Variants in CLDN14 observed in about 807,000 individuals in gnomAD.
CLDN14 encodes the protein claudin 14.
Under a neutral mutation model 2.1 loss-of-function variants are expected in CLDN14, and 2 were observed. That is an observed-to-expected ratio of 0.96 (90% CI 0.39 to 3.01). CLDN14 has a LOEUF of 3.01. Ranked by LOEUF, CLDN14 falls within the 30% of genes most tolerant of loss-of-function variation. The pLI is 0.09. For synonymous variants in CLDN14, 136 were observed against 154.4 expected, an observed-to-expected ratio of 0.88 and a Z score of 0.88; for missense variants, 298 against 328.0, an observed-to-expected ratio of 0.91 and a Z score of 0.71.
chr21:36,489,131 A>AAAAATATATATATATATAT, intron 2 of CLDN14, among the ~76,000 whole-genome samples: 1 of 62,744 alleles, frequency 1.6e-5, no homozygotes, highest in African/African-American at 5.9e-5. Context: ...AAAAAAAAAA[A>AAAAATATATATATATATAT]ATATATATAT....
At chr21:36,533,821 C>CA (rs1003038707) in intron 1 of CLDN14, among the ~76,000 whole-genome samples, 5 of 152,092 alleles carry the variant, frequency 3.3e-5, no homozygotes, top group Non-Finnish European at 7.3e-5. Context: ...AGGGGAACCA[C>CA]ACACACTGGG....
At chr21:36,473,684 A>G (rs1334656351) in intron 1 of CLDN14, among the ~76,000 whole-genome samples, 3 of 152,178 alleles carry the variant, frequency 2.0e-5, no homozygotes, top group Non-Finnish European at 4.4e-5. Context: ...GATGGGATTA[A>G]AATATGGGAT....
intron 2 of CLDN14, among the ~76,000 whole-genome samples, chr21:36,507,662 G>C (rs1374335810): frequency 6.6e-6 from 1 of 152,146 alleles, no homozygotes; most frequent in African/African-American, 2.4e-5. Context: ...TACTTGGCAG[G>C]CTGAGGCGGG....
intron 2 of CLDN14, among the ~76,000 whole-genome samples, chr21:36,509,377 G>A (rs936100719): frequency 8.5e-5 from 13 of 152,214 alleles, no homozygotes; most frequent in Admixed American, 8.5e-4. Flanking sequence ...TGGAGGTGGT[G>A]TTGGCTGCAG....
At chr21:36,486,778 G>C in intron 2 of CLDN14, 1 of 802,280 alleles carries the variant, frequency 1.2e-6, no homozygotes, top group Non-Finnish European at 2.2e-6. Context: ...AATGATATGC[G>C]TCTTGTGATT....
intron 1 of CLDN14, among the ~76,000 whole-genome samples, chr21:36,475,736 A>C (rs556354345): frequency 7.2e-4 from 109 of 151,732 alleles, no homozygotes; most frequent in Non-Finnish European, 1.4e-3. Context: ...CATTGATTTA[A>C]CTTTTTTTAT....
intron 2 of CLDN14, chr21:36,486,593 A>G: frequency 6.4e-7 from 1 of 1,551,068 alleles, no homozygotes; most frequent in East Asian, 2.2e-5. Context: ...CACTGCCACC[A>G]GATGAGAACC....
At chr21:36,543,865 C>T (rs2087509555) in intron 1 of CLDN14, among the ~76,000 whole-genome samples, 1 of 152,198 alleles carries the variant, frequency 6.6e-6, no homozygotes, top group Admixed American at 6.5e-5. Context: ...AACAGCCACC[C>T]CCATACTGTG....
At chr21:36,490,031 G>A (rs538096806) in intron 2 of CLDN14, among the ~76,000 whole-genome samples, 17 of 152,170 alleles carry the variant, frequency 1.1e-4, no homozygotes, top group Non-Finnish European at 2.4e-4. Context: ...TATCTCTTAC[G>A]GCTGAGGGAT....
intron 1 of CLDN14, among the ~76,000 whole-genome samples, chr21:36,538,167 C>T (rs1459429251): frequency 3.3e-5 from 5 of 152,106 alleles, no homozygotes; most frequent in African/African-American, 1.2e-4. Flanking sequence ...TATGAAAGTC[C>T]AACACTTATA....
At chr21:36,480,494 G>A (rs1376560282), upstream of CLDN14, 4 of 152,166 alleles carry the variant, frequency 2.6e-5, no homozygotes, top group Non-Finnish European at 5.9e-5. Context: ...GTCAGGGCTG[G>A]GAACGCCTCC....
At chr21:36,496,692 T>A (rs201237895) in intron 2 of CLDN14, among the ~76,000 whole-genome samples, 12 of 55,150 alleles carry the variant, frequency 2.2e-4, no homozygotes, top group South Asian at 6.2e-4. Flanking sequence ...GAAAGAAGGG[T>A]GGAAGGAAGG....
intron 2 of CLDN14, among the ~76,000 whole-genome samples, chr21:36,503,637 G>A (rs545907167): frequency 4.6e-5 from 7 of 152,180 alleles, no homozygotes; most frequent in African/African-American, 1.7e-4. Flanking sequence ...TCTTTCCTTT[G>A]TAAATTGCCC....
At chr21:36,482,451 T>G (rs1012649557), upstream of CLDN14, among the ~76,000 whole-genome samples, 2 of 150,448 alleles carry the variant, frequency 1.3e-5, no homozygotes, top group African/African-American at 5.0e-5. Context: ...GATGGATGGA[T>G]AGATGGATGG....
At chr21:36,488,040 G>A (rs2086915338) in intron 2 of CLDN14, among the ~76,000 whole-genome samples, 3 of 152,210 alleles carry the variant, frequency 2.0e-5, no homozygotes, top group Admixed American at 6.5e-5. Context: ...ATAGTCAAAA[G>A]GTGGCAGCAG....
At chr21:36,483,168 G>C (rs2086864458), upstream of CLDN14, among the ~76,000 whole-genome samples, 1 of 152,180 alleles carries the variant, frequency 6.6e-6, no homozygotes, top group South Asian at 2.1e-4. Flanking sequence ...GAATGAGTTG[G>C]CAGCTGCAAG....
At chr21:36,524,599 G>A (rs2087308917) in intron 1 of CLDN14, among the ~76,000 whole-genome samples, 1 of 152,220 alleles carries the variant, frequency 6.6e-6, no homozygotes, top group Non-Finnish European at 1.5e-5. Context: ...AAATGAGGGG[G>A]ATGGGGAGTG....
intron 1 of CLDN14, among the ~76,000 whole-genome samples, chr21:36,563,561 G>A (rs1382235829): frequency 1.3e-5 from 2 of 152,174 alleles, no homozygotes; most frequent in East Asian, 3.8e-4. Context: ...GAGCCATAGG[G>A]CCGTCACTGA....
chr21:36,521,654 G>C (rs2087271856), intron 1 of CLDN14, among the ~76,000 whole-genome samples: 1 of 152,282 alleles, frequency 6.6e-6, no homozygotes, highest in South Asian at 2.1e-4. Flanking sequence ...GTCTGTCTTG[G>C]GAATGACAGA....
Sources: allele counts gnomAD v4.1 joint callset (sites outside exome capture counted in the v4.1 genomes callset), GRCh38; gene constraint gnomAD v4.1.1; transcripts MANE v1.5; gene names NCBI Gene and HGNC (gene_info 2026-07-23, HGNC 2026-07-21).